Variants in ARHGAP29 observed in about 807,000 individuals in gnomAD.
ARHGAP29 encodes the protein rho GTPase-activating protein 29.
In ARHGAP29, 43 loss-of-function variants were observed where a neutral mutation model predicts 122.6. The observed-to-expected ratio is 0.35, with a 90% CI of 0.27 to 0.45. ARHGAP29 has a LOEUF of 0.45. Ranked by LOEUF, ARHGAP29 falls within the 20% of genes least tolerant of loss-of-function variation. The pLI, the probability that ARHGAP29 is intolerant of heterozygous loss-of-function variation, is 1.00. For synonymous variants in ARHGAP29, 506 were observed against 497.1 expected, an observed-to-expected ratio of 1.02 and a Z score of -0.24; for missense variants, 1,303 against 1,477.2, an observed-to-expected ratio of 0.88 and a Z score of 1.93.
At chr1:94,314,181 C>T in the ARHGAP29 span, among the ~76,000 whole-genome samples, 1 of 152,306 alleles carries the variant, frequency 6.6e-6, no homozygotes, top group Non-Finnish European at 1.5e-5. Context: ...CAAGTTTGAA[C>T]ACTTTGTTTA....
At position 94,188,940 on chromosome 1, in the gene ARHGAP29, A is replaced by G. The variant is rs1649970350; in HGVS notation, c.1578T>C (p.Gly526=). ...ATGTCCATGATCTTATAAAGGAAGG[A>G]CCTTTAATAAAAAGAATAAAGTCAA... The part of the protein sequence containing the change: ...DRCSNSADIT[G]PSFIRSWTFG... The change falls in exon 15 of 23, where the codon GGT becomes GGC. Residue 526 remains glycine, a splice_region_variant and synonymous_variant. Transcript: ENST00000260526. The G allele has an allele frequency of 1.9e-6, 3 of 1,611,326 alleles. No individual in the cohort carries two copies. Among genetic ancestry groups the G allele is most frequent in the African/African-American group, 2.7e-5 (2 of 74,776 alleles).
At position 94,178,001 on chromosome 1, in the gene ARHGAP29, G is replaced by C. The variant is rs1343479879; in HGVS notation, c.2647C>G (p.Gln883Glu). The change falls in exon 21 of 23, where the codon CAG becomes GAG. Residue 883 changes from glutamine to glutamate, a missense_variant. By Grantham distance (29) the Gln-to-Glu change is conservative. Transcript: ENST00000260526. ...RLVEFLITYS[Q>E]KIFDGSLQPQ... ...TGTAGGGACCCATCGAAGATCTTCT[G>C]TGAGTAAGTAATGAGAAACTCTACC... The C allele has an allele frequency of 1.2e-6, 2 of 1,614,164 alleles. No individual in the cohort carries two copies. The highest frequency in any genetic ancestry group is 2.2e-5 in the East Asian group (1 of 44,882).
intron 12 of ARHGAP29, chr1:94,192,686 T>C (rs1179757450): frequency 6.6e-6 from 1 of 152,024 alleles, no homozygotes; most frequent in African/African-American, 2.4e-5. Context: ...TTTTTTCTCT[T>C]TATCCTCCCC....
At chr1:94,236,624 G>A (rs896025871) in intron 1 of ARHGAP29, among the ~76,000 whole-genome samples, 4 of 152,050 alleles carry the variant, frequency 2.6e-5, no homozygotes, top group Admixed American at 6.5e-5. Flanking sequence ...CAAGAGGCTC[G>A]TCAGTCACGA....
At chr1:94,223,467 T>C (rs1278726348) in intron 2 of ARHGAP29, among the ~76,000 whole-genome samples, 4 of 152,076 alleles carry the variant, frequency 2.6e-5, no homozygotes, top group Non-Finnish European at 5.9e-5. Context: ...GGTTGTTCGG[T>C]TAAATGAATT....
At chr1:94,281,363 T>C in the ARHGAP29 span, among the ~76,000 whole-genome samples, 1 of 152,256 alleles carries the variant, frequency 6.6e-6, no homozygotes, top group East Asian at 1.9e-4. Flanking sequence ...GGGAGGGAAT[T>C]AAGGCCCTTG....
chr1:94,276,012 C>G (rs557416982), upstream of ARHGAP29, among the ~76,000 whole-genome samples: 46 of 151,952 alleles, frequency 3.0e-4, no homozygotes, highest in African/African-American at 1.1e-3. Flanking sequence ...GATCCTAACA[C>G]TTTGGGAGGC....
the ARHGAP29 span, among the ~76,000 whole-genome samples, chr1:94,283,813 GA>G: frequency 2.0e-5 from 3 of 152,176 alleles, no homozygotes; most frequent in Non-Finnish European, 2.9e-5. Context: ...TATAAACTTA[GA>G]AAATCAGTGG....
the ARHGAP29 span, among the ~76,000 whole-genome samples, chr1:94,313,415 T>C: frequency 2.0e-5 from 3 of 152,194 alleles, no homozygotes; most frequent in South Asian, 6.2e-4. Flanking sequence ...ACCCTATTAT[T>C]GTTTAAAGTG....
intron 1 of ARHGAP29, among the ~76,000 whole-genome samples, chr1:94,249,962 C>A (rs1160467193): frequency 6.6e-6 from 1 of 151,496 alleles, no homozygotes; most frequent in Non-Finnish European, 1.5e-5. Flanking sequence ...ATGTTGAGGG[C>A]ATGAATGGTA....
upstream of ARHGAP29, chr1:94,237,655 C>G: frequency 1.0e-6 from 1 of 986,374 alleles, no homozygotes; most frequent in Non-Finnish European, 1.2e-6. Flanking sequence ...CCCCTGGAGC[C>G]CAGCCCATTG....
chr1:94,253,050 A>G (rs1385368986), intron 1 of ARHGAP29, among the ~76,000 whole-genome samples: 1 of 151,792 alleles, frequency 6.6e-6, no homozygotes, highest in African/African-American at 2.4e-5. Flanking sequence ...GGCTCACTGC[A>G]ATCTCTGCCT....
rs181251106 is a variant in ARHGAP29, at chr1:94,274,193, T to C, written c.-33+819A>G. ...GAACCAGATGTAATATTTTCAGCTG[T>C]GCAGGCCTTACAGTCTCTGGGTCTT... On this transcript the variant is annotated intron_variant and NMD_transcript_variant, in intron 1 of 25. Transcript: ENST00000552844. Among the ~76,000 whole-genome samples the C allele has an allele frequency of 2.0e-4, 31 of 152,352 alleles. No individual in the cohort carries two copies. In the East Asian group the frequency reaches 6.0e-3, roughly 29 times the overall value.
At chr1:94,251,259 C>G (rs1357944714) in intron 1 of ARHGAP29, among the ~76,000 whole-genome samples, 2 of 151,648 alleles carry the variant, frequency 1.3e-5, no homozygotes, top group Non-Finnish European at 2.9e-5. Context: ...CAAGCTCCAC[C>G]TCCCGGGTTC....
chr1:94,237,465 G>A lies in ARHGAP29; in HGVS notation c.-83C>T, dbSNP rs1274364986. On this transcript the variant is annotated 5_prime_UTR_variant, in exon 1 of 23. Coordinates refer to ENST00000260526, the MANE Select transcript of ARHGAP29 (RefSeq NM_004815.4). ...ACGCGGACGCCCGCCCCACACCTAC[G>A]GCCGCCGCCACCGCCGAGGGCTGGA... The A allele has an allele frequency of 4.1e-6, 4 of 987,356 alleles. No homozygotes were observed. The East Asian group carries it at 4.5e-4, about 111-fold the overall frequency. 61.2% of individuals were successfully genotyped at this position (987,356 alleles called of 1,614,324 possible).
chr1:94,215,760 T>C (rs1054638317), intron 3 of ARHGAP29, among the ~76,000 whole-genome samples: 4 of 152,040 alleles, frequency 2.6e-5, no homozygotes, highest in African/African-American at 4.8e-5. Flanking sequence ...AAAATGTTAA[T>C]GCAAAAATAA....
At position 94,170,096 on chromosome 1, in the gene ARHGAP29, G is replaced by A. The variant is rs529924471; in HGVS notation, c.*3773C>T. Reference sequence around the variant, plus strand: ...TCAAGAATTGTCAATAGACTAGCCCGTGACAATTCGATGAGAAACAATACA... The same window carrying A: ...TCAAGAATTGTCAATAGACTAGCCCATGACAATTCGATGAGAAACAATACA... On this transcript the variant is annotated 3_prime_UTR_variant, in exon 23 of 23. Coordinates refer to ENST00000260526, the MANE Select transcript of ARHGAP29 (RefSeq NM_004815.4). Among the ~76,000 whole-genome samples, 5 of 152,256 alleles carry A rather than the reference G, an allele frequency of 3.3e-5. No homozygotes were observed. The highest frequency in any genetic ancestry group is 4.8e-5 in the African/African-American group (2 of 41,552).
chr1:94,260,025 T>C (rs1198853516), intron 1 of ARHGAP29, among the ~76,000 whole-genome samples: 2 of 152,156 alleles, frequency 1.3e-5, no homozygotes, highest in Non-Finnish European at 2.9e-5. Context: ...AGGCATTCCA[T>C]GTGTTGATTC....
chr1:94,261,819 G>T (rs911952776), intron 1 of ARHGAP29, among the ~76,000 whole-genome samples: 5 of 152,130 alleles, frequency 3.3e-5, no homozygotes, highest in African/African-American at 9.7e-5. Context: ...CATTAAAAAG[G>T]CCATATTGCC....
Sources: allele counts gnomAD v4.1 joint callset (sites outside exome capture counted in the v4.1 genomes callset), GRCh38; gene constraint gnomAD v4.1.1; transcripts MANE v1.5; gene names NCBI Gene and HGNC (gene_info 2026-07-23, HGNC 2026-07-21).